Variants in ABCB1 observed in about 807,000 individuals in gnomAD.
ABCB1 encodes the protein ATP binding cassette subfamily B member 1.
A neutral mutation model predicts 142.0 loss-of-function variants in ABCB1; 69 were observed. That is an observed-to-expected ratio of 0.49 (90% CI 0.40 to 0.59). The LOEUF (loss-of-function observed/expected upper bound fraction) is 0.59, where lower values mean the gene tolerates loss of function less well. Among genes scored for constraint, ABCB1 ranks in the 20% least tolerant of loss-of-function variants. The pLI, the probability that ABCB1 is intolerant of heterozygous loss-of-function variation, is 0.00. For missense variants in ABCB1, 1,326 were observed against 1,554.7 expected (o/e 0.85, Z 2.47); for synonymous variants, 532 against 539.2 (o/e 0.99, Z 0.18).
chr7:87,708,084 A>C (rs1829766983), intron 1 of ABCB1, among the ~76,000 whole-genome samples: 1 of 152,154 alleles, frequency 6.6e-6, no homozygotes, highest in Non-Finnish European at 1.5e-5. Context: ...TGGTTACCAA[A>C]ACTTTCATCT....
intron 9 of ABCB1, among the ~76,000 whole-genome samples, chr7:87,552,799 T>A (rs991718961): frequency 6.6e-6 from 1 of 151,614 alleles, no homozygotes; most frequent in African/African-American, 2.4e-5. Flanking sequence ...TTCTACAAAA[T>A]ATCATCTCTC....
At chr7:87,567,940 A>G (rs1479987105) in intron 5 of ABCB1, among the ~76,000 whole-genome samples, 1 of 151,838 alleles carries the variant, frequency 6.6e-6, no homozygotes, top group Non-Finnish European at 1.5e-5. Context: ...AAAAAATACA[A>G]AAAAATTAGC....
Position 87,663,007 on chromosome 7 carries a change from T to G in ABCB1, c.-331+50154A>C, listed in dbSNP as rs537635888. ...TTCTAGGTATTTTACTTATAGCAAT[T>G]ATAAATAATAGTACTTGATTTCTTT... On this transcript the variant is annotated intron_variant, in intron 1 of 28. Coordinates refer to the ABCB1 transcript ENST00000265724. Among the ~76,000 whole-genome samples the G allele has an allele frequency of 6.4e-4, 97 of 152,124 alleles. 1 individual carries two copies. Among genetic ancestry groups the G allele is most frequent in the African/African-American group, 2.2e-3 (92 of 41,556 alleles).
intron 8 of ABCB1, among the ~76,000 whole-genome samples, chr7:87,556,751 A>C (rs1817328902): frequency 6.6e-6 from 1 of 152,082 alleles, no homozygotes; most frequent in Non-Finnish European, 1.5e-5. Context: ...TGAAAACATA[A>C]CGTGGATAGT....
intron 1 of ABCB1, among the ~76,000 whole-genome samples, chr7:87,691,978 G>C (rs192816444): frequency 2.2e-4 from 34 of 152,282 alleles, no homozygotes; most frequent in African/African-American, 7.9e-4. Flanking sequence ...GTTTGGTCCA[G>C]ATATTTCTGG....
intron 4 of ABCB1, among the ~76,000 whole-genome samples, chr7:87,570,653 A>G (rs959245950): frequency 6.6e-6 from 1 of 152,232 alleles, no homozygotes; most frequent in Non-Finnish European, 1.5e-5. Context: ...ATCAAATACA[A>G]AGAACAGTGT....
At chr7:87,684,746 C>CAAAAAAAAAAAAA (rs71524694) in intron 1 of ABCB1, among the ~76,000 whole-genome samples, 2 of 37,792 alleles carry the variant, frequency 5.3e-5, no homozygotes, top group Non-Finnish European at 8.0e-5. Flanking sequence ...GACTCCGTCT[C>CAAAAAAAAAAAAA]AAAAAAAAAA....
chr7:87,538,867 T>G (rs1329209603), intron 19 of ABCB1, among the ~76,000 whole-genome samples: 1 of 151,886 alleles, frequency 6.6e-6, no homozygotes, highest in Non-Finnish European at 1.5e-5. Context: ...GAGTTTTGAT[T>G]TGCGGAAAGA....
At chr7:87,504,775 A>C (rs1374741938) in intron 27 of ABCB1, among the ~76,000 whole-genome samples, 3 of 151,052 alleles carry the variant, frequency 2.0e-5, no homozygotes, top group Non-Finnish European at 4.4e-5. Flanking sequence ...ACTGCACTCC[A>C]GCCTGGGCGA....
intron 1 of ABCB1, among the ~76,000 whole-genome samples, chr7:87,710,268 T>C (rs1000884832): frequency 2.0e-5 from 3 of 152,198 alleles, no homozygotes; most frequent in Non-Finnish European, 4.4e-5. Context: ...TTATATCTTA[T>C]ATAATTACAT....
intron 1 of ABCB1, chr7:87,628,584 CGTGTGTGT>C (rs71117546): frequency 0.15 from 43,343 of 289,248 alleles, 2,096 homozygotes; most frequent in African/African-American, 0.19. Flanking sequence ...TGCGTGCGTG[CGTGTGTGT>C]GTGTGTGTGT....
At chr7:87,687,852 C>T (rs1253652644) in intron 1 of ABCB1, among the ~76,000 whole-genome samples, 1 of 152,146 alleles carries the variant, frequency 6.6e-6, no homozygotes. Context: ...ATGAGGCCAT[C>T]TTTTGAAGTA....
chr7:87,599,997 T>G, intron 2 of ABCB1, 120 bp downstream of exon 2: 1 of 998,062 alleles, frequency 1.0e-6, no homozygotes. Flanking sequence ...AAGGCTAGCT[T>G]GCGTTTCTTA....
chr7:87,515,456 T>C, intron 24 of ABCB1, 28 bp from the exon 25 acceptor site: 1 of 1,603,344 alleles, frequency 6.2e-7, no homozygotes, highest in Non-Finnish European at 8.5e-7. Context: ...ACAGTAAATT[T>C]GAATGCTGCA....
At chr7:87,534,932 A>C (rs1046326096) in intron 20 of ABCB1, among the ~76,000 whole-genome samples, 3 of 141,704 alleles carry the variant, frequency 2.1e-5, no homozygotes, top group Non-Finnish European at 4.7e-5. Context: ...AAAAAAAAAA[A>C]AAAAAAAACT....
chr7:87,682,121 A>G (rs777818120), intron 1 of ABCB1, among the ~76,000 whole-genome samples: 4 of 152,226 alleles, frequency 2.6e-5, no homozygotes, highest in Non-Finnish European at 4.4e-5. Flanking sequence ...ATCCATAAGA[A>G]GGAACTCCTC....
At chr7:87,565,689 G>A (rs539744788) in intron 7 of ABCB1, among the ~76,000 whole-genome samples, 2 of 150,960 alleles carry the variant, frequency 1.3e-5, no homozygotes, top group South Asian at 4.2e-4. Context: ...CTAAACTTGA[G>A]TCTCTACTTG....
At chr7:87,512,929 C>T (rs946168021) in intron 25 of ABCB1, among the ~76,000 whole-genome samples, 3 of 152,210 alleles carry the variant, frequency 2.0e-5, no homozygotes, top group Non-Finnish European at 4.4e-5. Context: ...CTGTGTCTGA[C>T]CTTTTATACA....
intron 8 of ABCB1, among the ~76,000 whole-genome samples, 153 bp downstream of exon 8, chr7:87,561,110 T>C (rs1399408750): frequency 6.6e-6 from 1 of 152,214 alleles, no homozygotes; most frequent in African/African-American, 2.4e-5. Context: ...TTGCAACTTC[T>C]CCAAAATATT....
Sources: allele counts gnomAD v4.1 joint callset (sites outside exome capture counted in the v4.1 genomes callset), GRCh38; gene constraint gnomAD v4.1.1; transcripts MANE v1.5; gene names NCBI Gene and HGNC (gene_info 2026-07-23, HGNC 2026-07-21).